Variants in GPR4 observed in about 807,000 individuals in gnomAD.
GPR4 encodes the protein G-prodeshotein coupled receptor 4.
In GPR4, 11 loss-of-function variants were observed where a neutral mutation model predicts 17.8. That is an observed-to-expected ratio of 0.62 (90% CI 0.39 to 1.02). The LOEUF (loss-of-function observed/expected upper bound fraction) is 1.02. GPR4 is among the 50% of genes least tolerant of loss of function. The pLI, the probability that GPR4 is intolerant of heterozygous loss-of-function variation, is 0.00. For missense variants in GPR4, 364 were observed against 495.4 expected (o/e 0.73, Z 2.52); for synonymous variants, 219 against 222.8 (o/e 0.98, Z 0.15).
intron 1 of GPR4, among the ~76,000 whole-genome samples, chr19:45,597,153 C>T (rs900532162): frequency 2.6e-5 from 4 of 152,080 alleles, no homozygotes; most frequent in African/African-American, 7.2e-5. Flanking sequence ...ACTGAAACCT[C>T]CGCCACCTGG....
Position 45,591,856 on chromosome 19 carries a change from T to A in GPR4, c.11A>T (p.His4Leu). 1 of 1,557,608 alleles carries A rather than the reference T, an allele frequency of 6.4e-7. No homozygotes were observed. The highest frequency in any genetic ancestry group is 8.7e-7 in the Non-Finnish European group (1 of 1,148,214). The change falls in exon 2 of 2, where the codon CAC becomes CTC. Residue 4 changes from histidine to leucine, a missense_variant. His to Leu is a moderately conservative substitution (Grantham distance 99, BLOSUM62 -3). Transcript: ENST00000323040. This position sits in a 1 kb window ranked among gnomAD's most constrained non-coding sequence, Gnocchi z 7.6. ...GTCCACGTGGCAGCCCTCCCACGTGTGGTTGCCCATGGTGGGCACTTCGGC... is the reference window on the plus strand; with the variant it reads ...GTCCACGTGGCAGCCCTCCCACGTGAGGTTGCCCATGGTGGGCACTTCGGC... MGN[H>L]TWEGCHVDSR... is the part of the protein sequence containing the mutation.
intron 1 of GPR4, among the ~76,000 whole-genome samples, chr19:45,593,361 T>C (rs1970018266): frequency 6.6e-6 from 1 of 151,480 alleles, no homozygotes; most frequent in Non-Finnish European, 1.5e-5. Flanking sequence ...TAGCTGGATG[T>C]GGTGGCACGT....
At chr19:45,596,203 CTTTTTTTT>C (rs56044839) in intron 1 of GPR4, among the ~76,000 whole-genome samples, 1 of 132,718 alleles carries the variant, frequency 7.5e-6, no homozygotes, top group African/African-American at 2.8e-5. Flanking sequence ...TTCTTTTCTT[CTTTTTTTT>C]TTTTTTTTTG....
intron 1 of GPR4, among the ~76,000 whole-genome samples, chr19:45,593,512 GAAAAGAAAA>G (rs1426227339): frequency 1.2e-5 from 1 of 81,746 alleles, no homozygotes; most frequent in Non-Finnish European, 2.6e-5. Flanking sequence ...AAAAAAAGAA[GAAAAGAAAA>G]AAAAGAAAAA....
chr19:45,598,675 G>A (rs977444325), intron 1 of GPR4, among the ~76,000 whole-genome samples: 9 of 152,108 alleles, frequency 5.9e-5, no homozygotes, highest in Non-Finnish European at 8.8e-5. Flanking sequence ...TGCAGCCGAC[G>A]TATGTGTGGC....
At chr19:45,600,299 A>G (rs1970099767) in intron 1 of GPR4, among the ~76,000 whole-genome samples, 1 of 152,264 alleles carries the variant, frequency 6.6e-6, no homozygotes, top group African/African-American at 2.4e-5. Context: ...AAACCAAATT[A>G]TAGGCCCTGT....
intron 1 of GPR4, among the ~76,000 whole-genome samples, chr19:45,601,310 C>T (rs1003528008): frequency 1.3e-5 from 2 of 152,078 alleles, no homozygotes. Context: ...GAGAGTGAGG[C>T]GGAAGCAGGA....
In GPR4 at chr19:45,591,492, G is replaced by T. The variant is rs144692714; in HGVS notation, c.375C>A (p.Phe125Leu). ...RYLAVAHPLR[F>L]ARLRRVKTAV... ...CGGTCTTGACGCGGCGCAGGCGGGC[G>T]AAGCGGAGTGGGTGGGCCACAGCCA... Residue 125 changes from phenylalanine to leucine, a missense_variant, in exon 2 of 2, where the codon TTC becomes TTA. Coordinates refer to ENST00000323040, the MANE Select transcript of GPR4 (RefSeq NM_005282.3). This position sits in a 1 kb window ranked among gnomAD's most constrained non-coding sequence, Gnocchi z 7.6. 1.2e-6 allele frequency: 2 copies of T among 1,610,768 alleles called. No homozygotes were observed. Among genetic ancestry groups the T allele is most frequent in the African/African-American group, 2.7e-5 (2 of 74,868 alleles).
At chr19:45,594,869 G>C (rs1486117067) in intron 1 of GPR4, among the ~76,000 whole-genome samples, 1 of 151,920 alleles carries the variant, frequency 6.6e-6, no homozygotes, top group African/African-American at 2.4e-5. Flanking sequence ...TGTAATCCCA[G>C]CTACTCGGGA....
intron 1 of GPR4, among the ~76,000 whole-genome samples, chr19:45,593,922 C>G (rs1970025234): frequency 1.3e-5 from 2 of 149,244 alleles, no homozygotes; most frequent in South Asian, 4.3e-4. Flanking sequence ...CTCTTTTGTC[C>G]AGACTAGAAT....
chr19:45,592,226 A>C lies in GPR4; in HGVS notation c.-360T>G. Reference sequence around the variant, plus strand: ...GAGTGTTTATGGAGGAGACGAAAGCATCGCTGGGCAATGGTGAGAAGGAGA... The same window carrying C: ...GAGTGTTTATGGAGGAGACGAAAGCCTCGCTGGGCAATGGTGAGAAGGAGA... On this transcript the variant is annotated 5_prime_UTR_variant, in exon 2 of 2. It removes an upstream start codon present in the reference 5' UTR. Transcript: ENST00000323040. 8.8e-6 allele frequency: 2 copies of C among 227,932 alleles called. No homozygotes were observed. The highest frequency in any genetic ancestry group is 1.0e-4 in the East Asian group (1 of 9,826). The allele number at this position is 227,932 out of a possible 1,614,324, so 14.1% of individuals were successfully genotyped here.
chr19:45,599,132 C>A (rs1214446014), intron 1 of GPR4, among the ~76,000 whole-genome samples: 1 of 152,156 alleles, frequency 6.6e-6, no homozygotes, highest in Non-Finnish European at 1.5e-5. Flanking sequence ...TGGCCCCTTC[C>A]AGAGAGTCGG....
intron 1 of GPR4, among the ~76,000 whole-genome samples, chr19:45,600,041 C>A (rs918779947): frequency 4.6e-5 from 7 of 152,126 alleles, no homozygotes; most frequent in Non-Finnish European, 8.8e-5. Flanking sequence ...CCTTTTCTTT[C>A]CCCCCTTCTC....
At chr19:45,601,803 GAGAC>G (rs368672622) in intron 1 of GPR4, among the ~76,000 whole-genome samples, 217 of 152,162 alleles carry the variant, frequency 1.4e-3, no homozygotes, top group African/African-American at 4.9e-3. Context: ...CAGAGAGACA[GAGAC>G]AGACAGACGG....
In GPR4 at chr19:45,591,195, C is replaced by T. The variant is rs1429462617; in HGVS notation, c.672G>A (p.Arg224=). 6.2e-6 allele frequency: 10 copies of T among 1,613,428 alleles called. No individual in the cohort carries two copies. The highest frequency in any genetic ancestry group is 7.6e-6 in the Non-Finnish European group (9 of 1,179,990). The change falls in exon 2 of 2, where the codon CGG becomes CGA. Residue 224 remains arginine, a synonymous_variant. Transcript: ENST00000323040. The surrounding 1 kb of genome is among the most constrained non-coding windows in gnomAD (Gnocchi z 7.6). ...TERQEKAKIK[R]LALSLIAIVL... ...CGATGGCGATGAGGCTGAGGGCCAG[C>T]CGCTTGATCTTGGCCTTCTCCTGGC...
chr19:45,591,126 G>T lies in GPR4; in HGVS notation c.741C>A (p.Arg247=), dbSNP rs1343619846. 1 of 1,613,636 alleles carries T rather than the reference G, an allele frequency of 6.2e-7. No individual in the cohort carries two copies. Among genetic ancestry groups the T allele is most frequent in the Non-Finnish European group, 8.5e-7 (1 of 1,179,994 alleles). The change falls in exon 2 of 2, where the codon CGC becomes CGA. Residue 247 remains arginine (R), a synonymous_variant. Transcript: ENST00000323040. This position sits in a 1 kb window ranked among gnomAD's most constrained non-coding sequence, Gnocchi z 7.6. ...FAPYHVLLLS[R]SAIYLGRPWD... ...AGGGGCGGCCCAGGTAGATGGCGCT[G>T]CGGGACAGCAAGAGCACGTGATAGG...
At chr19:45,594,336 C>T (rs1224169400) in intron 1 of GPR4, among the ~76,000 whole-genome samples, 2 of 147,128 alleles carry the variant, frequency 1.4e-5, no homozygotes, top group Non-Finnish European at 3.0e-5. Flanking sequence ...GCAGGATAAT[C>T]GCTTGAACCT....
chr19:45,600,941 T>C (rs1237288840), intron 1 of GPR4, among the ~76,000 whole-genome samples: 1 of 152,198 alleles, frequency 6.6e-6, no homozygotes, highest in Non-Finnish European at 1.5e-5. Flanking sequence ...TACTTGATCA[T>C]AGGATTCCCA....
rs1470594005 is a variant in GPR4, at chr19:45,590,376, A to T, written c.*402T>A. ...AACATAGTGAGACTCCATTTCTACA[A>T]AAAGTACAAAAATTAGCCAGGCATG... On this transcript the variant is annotated 3_prime_UTR_variant, in exon 2 of 2. Transcript: ENST00000323040. 1.8e-5 allele frequency: 3 copies of T among 167,206 alleles called. No individual in the cohort carries two copies. Among genetic ancestry groups the T allele is most frequent in the African/African-American group, 7.2e-5 (3 of 41,932 alleles). The allele number at this position is 167,206 out of a possible 1,614,324, so 10.4% of individuals were successfully genotyped here.
Sources: gnomAD v4.1 joint callset for allele counts (sites outside exome capture counted in the v4.1 genomes callset) on GRCh38, gnomAD v4.1.1 for gene constraint, Gnocchi (gnomAD v3.1) non-coding constraint, MANE v1.5 for transcripts, NCBI Gene and HGNC (gene_info 2026-07-23, HGNC 2026-07-21) for gene names.